Variants in CHN1 observed in about 807,000 individuals in gnomAD.
CHN1 encodes N-chimaerin.
Under a neutral mutation model 59.5 loss-of-function variants are expected in CHN1, and 37 were observed. The observed-to-expected ratio is 0.62, with a 90% confidence interval of 0.48 to 0.82. CHN1 has a LOEUF of 0.82. Ranked by LOEUF, CHN1 falls within the 40% of genes least tolerant of loss-of-function variation. The pLI is 0.00. For missense variants in CHN1, 469 were observed against 571.0 expected (o/e 0.82, Z 1.82); for synonymous variants, 206 against 200.4 (o/e 1.03, Z -0.24).
At chr2:174,823,149 C>A (rs1461476526) in intron 8 of CHN1, among the ~76,000 whole-genome samples, 1 of 152,118 alleles carries the variant, frequency 6.6e-6, no homozygotes, top group African/African-American at 2.4e-5. Context: ...AAAAATCATG[C>A]CACAAAAGAA....
intron 1 of CHN1, among the ~76,000 whole-genome samples, chr2:174,982,872 C>T (rs969707486): frequency 5.9e-5 from 9 of 152,084 alleles, no homozygotes; most frequent in Non-Finnish European, 1.0e-4. Flanking sequence ...AGTTTTCCCT[C>T]ACATGTACAG....
Position 174,799,693 on chromosome 2 carries a change from C to A in CHN1, c.*423G>T, listed in dbSNP as rs1216574753. 1.9e-6 allele frequency: 1 copy of A among 533,656 alleles called. No homozygotes were observed. The highest frequency in any genetic ancestry group is 2.2e-5 in the Admixed American group (1 of 45,030). The allele number at this position is 533,656 out of a possible 1,614,324, so 33.1% of individuals were successfully genotyped here. On this transcript the variant is annotated 3_prime_UTR_variant, in exon 13 of 13. Transcript: ENST00000409900. ...GTGCTGTTTTATCCATTTGTGTGTG[C>A]GTGTTTGTACAAGCATCAGAAACCA...
intron 1 of CHN1, among the ~76,000 whole-genome samples, chr2:174,988,068 A>T (rs1483363606): frequency 6.6e-6 from 1 of 152,104 alleles, no homozygotes; most frequent in African/African-American, 2.4e-5. Flanking sequence ...GGGCCATAAA[A>T]AGTGACAACA....
At position 174,855,481 on chromosome 2, in the gene CHN1, A is replaced by G. The variant is rs151284684; in HGVS notation, c.550-8524T>C. On this transcript the variant is annotated intron_variant, in intron 6 of 12. Coordinates refer to ENST00000409900, the MANE Select transcript of CHN1 (RefSeq NM_001822.7). ...CTGAAACCTCCAAAATCAAGTTATA[A>G]CATAAACATTTATGGATTCAAGCAA... is the stretch of plus-strand genomic sequence containing the variant. 3.8e-3 allele frequency among the ~76,000 whole-genome samples: 580 copies of G among 152,324 alleles called. 5 individuals carry two copies. Among genetic ancestry groups the G allele is most frequent in the African/African-American group, 0.013 (545 of 41,574 alleles).
intron 8 of CHN1, among the ~76,000 whole-genome samples, chr2:174,822,891 C>T (rs1393093322): frequency 6.6e-6 from 1 of 152,338 alleles, no homozygotes; most frequent in African/African-American, 2.4e-5. Context: ...CTTTGCACAG[C>T]TCCAAGTCCA....
Position 174,904,156 on chromosome 2 carries a change from G to A in CHN1, c.260+10902C>T, listed in dbSNP as rs529550451. Among the ~76,000 whole-genome samples, 9 of 151,798 alleles carry A rather than the reference G, an allele frequency of 5.9e-5. 1 individual carries two copies. The highest frequency in any genetic ancestry group is 1.9e-4 in the African/African-American group (8 of 41,444). On this transcript the variant is annotated intron_variant, in intron 5 of 12. Transcript: ENST00000409900. Reference sequence around the variant, plus strand: ...TGCATGCCTGTAGTCCCAGCTACTCGGGAGGCTGAGGCAGGAGAATCGCTT... The same window carrying A: ...TGCATGCCTGTAGTCCCAGCTACTCAGGAGGCTGAGGCAGGAGAATCGCTT...
rs112603523 is a variant in CHN1 at position 174,969,693 on chromosome 2, C to CT, written c.20-17492dup. ...TCAAAACCCCCTGACACTTCATACT[C>CT]TTTTTTTTTTCTACTTAGTACTTCT... On this transcript the variant is annotated intron_variant, in intron 1 of 12. Transcript: ENST00000409900. Among the ~76,000 whole-genome samples the CT allele has an allele frequency of 6.7e-3, 1,008 of 150,022 alleles. 17 individuals carry two copies. The highest frequency in any genetic ancestry group is 0.023 in the African/African-American group (936 of 40,986).
chr2:174,878,150 G>A (rs1201489171), intron 5 of CHN1, 22 bp from the exon 6 acceptor site: 6 of 1,497,944 alleles, frequency 4.0e-6, no homozygotes, highest in Non-Finnish European at 4.5e-6. Context: ...AAATGGGAAA[G>A]ATGTTTTTAA....
chr2:174,910,290 T>C (rs1688653455), intron 5 of CHN1, among the ~76,000 whole-genome samples: 1 of 152,212 alleles, frequency 6.6e-6, no homozygotes, highest in South Asian at 2.1e-4. Flanking sequence ...AAGTATTTTA[T>C]GTCAAAGGGA....
At position 174,911,628 on chromosome 2, in the gene CHN1, G is replaced by A. The variant is rs147978308; in HGVS notation, c.260+3430C>T. On this transcript the variant is annotated intron_variant, in intron 5 of 12. Coordinates refer to ENST00000409900, the MANE Select transcript of CHN1 (RefSeq NM_001822.7). ...AAGAGCAAAAAATATCTCACCCATAGAAAACCTGTCATGCCACATGGTGAA... is the reference window on the plus strand; with the variant it reads ...AAGAGCAAAAAATATCTCACCCATAAAAAACCTGTCATGCCACATGGTGAA... 2.5e-4 allele frequency among the ~76,000 whole-genome samples: 38 copies of A among 152,316 alleles called. No individual in the cohort carries two copies. The East Asian group carries it at 6.4e-3, about 26-fold the overall frequency.
At chr2:174,830,003 G>A (rs575809823) in intron 7 of CHN1, among the ~76,000 whole-genome samples, 5 of 152,164 alleles carry the variant, frequency 3.3e-5, no homozygotes, top group African/African-American at 7.2e-5. Context: ...TTGGCCGGGC[G>A]CGGTGGCTCA....
intron 7 of CHN1, among the ~76,000 whole-genome samples, chr2:174,835,642 A>G (rs1329883987): frequency 6.7e-6 from 1 of 149,632 alleles, no homozygotes; most frequent in Admixed American, 6.7e-5. Context: ...TGGTTTACCA[A>G]TCTTTTCTTC....
At chr2:174,898,110 C>T (rs771707641) in intron 5 of CHN1, among the ~76,000 whole-genome samples, 1 of 152,040 alleles carries the variant, frequency 6.6e-6, no homozygotes, top group Admixed American at 6.6e-5. Context: ...ACCCCTCTGC[C>T]GTCTCATTAG....
intron 4 of CHN1, among the ~76,000 whole-genome samples, chr2:174,917,045 T>G (rs1688867526): frequency 1.3e-5 from 2 of 151,974 alleles, no homozygotes; most frequent in Admixed American, 1.3e-4. Flanking sequence ...CACAAAGAAT[T>G]AGCTGGATGT....
Position 175,005,284 on chromosome 2 carries a change from C to T in CHN1, c.-372G>A, listed in dbSNP as rs2105480200. 4.2e-6 allele frequency: 5 copies of T among 1,176,478 alleles called. No homozygotes were observed. Among genetic ancestry groups the T allele is most frequent in the Non-Finnish European group, 5.3e-6 (5 of 943,388 alleles). 72.9% of individuals were successfully genotyped at this position (1,176,478 alleles called of 1,614,324 possible). ...GCACTGGCGGCGGCGGCGGCGGCGA[C>T]GGGGAGAGCAGCAGCAGCCTCGCAC... On this transcript the variant is annotated 5_prime_UTR_variant, in exon 1 of 13. Transcript: ENST00000409900.
chr2:174,963,945 T>TA (rs1226309378), intron 1 of CHN1, among the ~76,000 whole-genome samples: 2 of 152,172 alleles, frequency 1.3e-5, no homozygotes, highest in African/African-American at 4.8e-5. Context: ...AGACTTGATG[T>TA]AAAAACATAA....
intron 5 of CHN1, among the ~76,000 whole-genome samples, chr2:174,888,945 A>C (rs1373571667): frequency 6.6e-6 from 1 of 152,154 alleles, no homozygotes; most frequent in Non-Finnish European, 1.5e-5. Context: ...GGTGGGAGGG[A>C]GAAGAGTGGA....
chr2:174,984,620 G>C (rs1269995439), intron 1 of CHN1, among the ~76,000 whole-genome samples: 1 of 152,066 alleles, frequency 6.6e-6, no homozygotes, highest in Admixed American at 6.5e-5. Flanking sequence ...GCCTGCCTTG[G>C]CCTCCCAAAG....
At chr2:174,891,197 T>C (rs1302010228) in intron 5 of CHN1, among the ~76,000 whole-genome samples, 3 of 126,704 alleles carry the variant, frequency 2.4e-5, no homozygotes, top group Non-Finnish European at 5.2e-5. Flanking sequence ...TTCACAAATA[T>C]GTGGAAATCA....
Sources: allele counts gnomAD v4.1 joint callset (sites outside exome capture counted in the v4.1 genomes callset), GRCh38; gene constraint gnomAD v4.1.1; transcripts MANE v1.5; gene names NCBI Gene and HGNC (gene_info 2026-07-23, HGNC 2026-07-21).